LMO2: variants seen among roughly 807,000 people sequenced by gnomAD.
LMO2 encodes LIM domain only 2, also known as rhombotin-2.
Under a neutral mutation model 23.2 loss-of-function variants are expected in LMO2, and 20 were observed. The observed-to-expected ratio is 0.86, with a 90% CI of 0.61 to 1.25. LMO2 has a LOEUF of 1.25. LMO2 is among the 50% of genes most tolerant of loss of function. The pLI is 0.00. For synonymous variants in LMO2, 123 were observed against 130.2 expected, an observed-to-expected ratio of 0.94 and a Z score of 0.38; for missense variants, 270 against 315.3, an observed-to-expected ratio of 0.86 and a Z score of 1.09.
intron 2 of LMO2, chr11:33,870,314 G>GAAA: frequency 1.0e-6 from 1 of 966,538 alleles, no homozygotes; most frequent in African/African-American, 1.8e-5. Flanking sequence ...GAGCAAGCAA[G>GAAA]AAAAGACAAG....
intron 2 of LMO2, chr11:33,871,201 CTGTG>C (rs56309116): frequency 0.084 from 13,431 of 160,000 alleles, 807 homozygotes; most frequent in African/African-American, 0.17. Context: ...TAATCAAAAG[CTGTG>C]TGTGTGTGTG....
intron 2 of LMO2, chr11:33,870,474 C>T: frequency 1.0e-6 from 1 of 966,966 alleles, no homozygotes; most frequent in Non-Finnish European, 1.2e-6. Flanking sequence ...CTGCGGGCCC[C>T]AGGCTGCGGG....
intron 4 of LMO2, among the ~76,000 whole-genome samples, chr11:33,865,725 C>G (rs1856757551): frequency 6.6e-6 from 1 of 152,222 alleles, no homozygotes; most frequent in Admixed American, 6.5e-5. Context: ...GGCTGTGACA[C>G]GTGTTCTTTC....
intron 1 of LMO2, among the ~76,000 whole-genome samples, chr11:33,886,966 C>T (rs1857425571): frequency 6.6e-6 from 1 of 152,232 alleles, no homozygotes; most frequent in Admixed American, 6.5e-5. Context: ...CAGCAGGTCC[C>T]ACTTATTATT....
chr11:33,865,042 AAACAC>A, intron 4 of LMO2: 1 of 594,134 alleles, frequency 1.7e-6, no homozygotes, highest in Non-Finnish European at 3.1e-6. Context: ...TCTAAGAAGT[AAACAC>A]AGGGCACCAA....
intron 2 of LMO2, among the ~76,000 whole-genome samples, chr11:33,879,391 G>A (rs1857209334): frequency 6.6e-6 from 1 of 151,738 alleles, no homozygotes; most frequent in South Asian, 2.1e-4. Context: ...AGGCTGAGGT[G>A]GGTGGATCAC....
At chr11:33,876,845 T>G (rs1203742852) in intron 2 of LMO2, among the ~76,000 whole-genome samples, 1 of 152,254 alleles carries the variant, frequency 6.6e-6, no homozygotes, top group Non-Finnish European at 1.5e-5. Flanking sequence ...GAACCTCAGT[T>G]TCATCATGTG....
intron 5 of LMO2, among the ~76,000 whole-genome samples, chr11:33,861,307 T>A (rs962223965): frequency 4.6e-5 from 7 of 152,328 alleles, no homozygotes; most frequent in Middle Eastern, 3.4e-3. Context: ...GATTTCAGGA[T>A]ATCAGAGAAT....
intron 4 of LMO2, among the ~76,000 whole-genome samples, chr11:33,866,147 G>GTATT (rs1210696714): frequency 6.6e-6 from 1 of 152,210 alleles, no homozygotes; most frequent in Non-Finnish European, 1.5e-5. Flanking sequence ...CTTGGGGACA[G>GTATT]GAGGCTAGGT....
Position 33,859,343 on chromosome 11 carries a change from C to G in LMO2, c.*13G>C. 6.3e-7 allele frequency: 1 copy of G among 1,598,172 alleles called. No individual in the cohort carries two copies. Among genetic ancestry groups the G allele is most frequent in the Non-Finnish European group, 8.6e-7 (1 of 1,166,100 alleles). ...CAGTGAACACCTCCCCAAAGATGCC[C>G]GGGGACTCGGGCCTATATCATCCCA... On this transcript the variant is annotated 3_prime_UTR_variant, in exon 6 of 6. Transcript: ENST00000257818.
chr11:33,878,228 T>C (rs983284884), intron 2 of LMO2, among the ~76,000 whole-genome samples: 8 of 152,202 alleles, frequency 5.3e-5, no homozygotes, highest in African/African-American at 1.9e-4. Context: ...CCCACAGTCC[T>C]GGACCCTGAA....
intron 3 of LMO2, 21 bp from the exon 4 acceptor site, chr11:33,869,607 G>A (rs961282150): frequency 1.6e-6 from 2 of 1,276,414 alleles, no homozygotes; most frequent in Non-Finnish European, 1.0e-6. Flanking sequence ...CAAAGAGAGA[G>A]AGCGAATCAC....
intron 1 of LMO2, among the ~76,000 whole-genome samples, chr11:33,883,009 G>C (rs1352290103): frequency 6.6e-6 from 1 of 152,166 alleles, no homozygotes; most frequent in African/African-American, 2.4e-5. Flanking sequence ...CTGGATACCT[G>C]ATCTAAAAAA....
intron 2 of LMO2, among the ~76,000 whole-genome samples, chr11:33,876,399 G>A (rs919429039): frequency 6.6e-6 from 1 of 152,112 alleles, no homozygotes; most frequent in Admixed American, 6.6e-5. Context: ...CGTGTGGCTG[G>A]CCCTCAATAA....
At chr11:33,870,413 G>A (rs1332526800) in intron 2 of LMO2, 4 of 985,478 alleles carry the variant, frequency 4.1e-6, no homozygotes, top group Admixed American at 6.1e-5. Context: ...CACGGACGCC[G>A]TGCACTGGGA....
At chr11:33,869,673 A>G (rs2133699072) in intron 3 of LMO2, 37 bp downstream of exon 3, 1 of 1,261,392 alleles carries the variant, frequency 7.9e-7, no homozygotes, top group Non-Finnish European at 1.0e-6. Context: ...GCCTGGCTCC[A>G]GGCGGCTGCA....
Position 33,859,491 on chromosome 11 carries a change from C to T in LMO2, c.549G>A (p.Val183=). 1 of 1,613,988 alleles carries T rather than the reference C, an allele frequency of 6.2e-7. No homozygotes were observed. The change falls in exon 6 of 6, where the codon GTG becomes GTA. Residue 183 remains valine (V), a synonymous_variant. Transcript: ENST00000257818. ...YEMTMRVKDK[V]YHLECFKCAA... ...CGCATTTGAAACATTCCAGGTGATA[C>T]ACTTTGTCTTTCACCCGCATTGTCA...
chr11:33,866,218 G>A (rs906749099), intron 4 of LMO2, among the ~76,000 whole-genome samples: 2 of 152,200 alleles, frequency 1.3e-5, no homozygotes, highest in African/African-American at 4.8e-5. Context: ...AGTATGAAGT[G>A]TTCCTTATGA....
chr11:33,890,526 AT>A (rs1857520465), intron 1 of LMO2, among the ~76,000 whole-genome samples: 1 of 151,942 alleles, frequency 6.6e-6, no homozygotes, highest in Admixed American at 6.6e-5. Context: ...TAATTTTCAT[AT>A]TTTTAGTAGA....
Sources: allele counts gnomAD v4.1 joint callset (sites outside exome capture counted in the v4.1 genomes callset), GRCh38; gene constraint gnomAD v4.1.1; transcripts MANE v1.5; gene names NCBI Gene and HGNC (gene_info 2026-07-23, HGNC 2026-07-21).